PARD3: variants seen among roughly 807,000 people sequenced by gnomAD.
PARD3 encodes par-3 family cell polarity regulator.
Under a neutral mutation model 155.4 loss-of-function variants are expected in PARD3, and 75 were observed. That is an observed-to-expected ratio of 0.48 (90% CI 0.40 to 0.58). The LOEUF is 0.58. PARD3 is among the 20% of genes least tolerant of loss of function. The pLI is 0.00. For synonymous variants in PARD3, 576 were observed against 610.5 expected, an observed-to-expected ratio of 0.94 and a Z score of 0.83; for missense variants, 1,642 against 1,721.7, an observed-to-expected ratio of 0.95 and a Z score of 0.82.
chr10:34,645,991 G>A (rs117618774), intron 2 of PARD3, among the ~76,000 whole-genome samples: 1,979 of 152,250 alleles, frequency 0.013, 18 homozygotes, highest in Non-Finnish European at 0.022. Context: ...ACACAGAACC[G>A]GGATAAGAGT....
In PARD3 at chr10:34,219,380, T is replaced by C. The variant is rs147823678; in HGVS notation, c.3419+50277A>G. ...AAATGGTTCCATTTATTATGGTACA[T>C]ATTTTTTAATTAAAGATGAGGAAGA... is the stretch of plus-strand genomic sequence containing the variant. On this transcript the variant is annotated intron_variant, in intron 22 of 24. Transcript: ENST00000374788. Among the ~76,000 whole-genome samples, 57 of 152,330 alleles carry C rather than the reference T, an allele frequency of 3.7e-4. 1 individual carries two copies. The East Asian group carries it at 0.011, about 29-fold the overall frequency.
intron 22 of PARD3, among the ~76,000 whole-genome samples, chr10:34,213,123 C>T (rs1012700078): frequency 3.9e-5 from 6 of 152,080 alleles, no homozygotes; most frequent in Admixed American, 1.3e-4. Flanking sequence ...TTTACTTGGC[C>T]CACAATTCTG....
At chr10:34,695,494 A>AG (rs1421628337) in intron 2 of PARD3, among the ~76,000 whole-genome samples, 2 of 151,430 alleles carry the variant, frequency 1.3e-5, no homozygotes, top group African/African-American at 2.4e-5. Context: ...AAAAAAAAAA[A>AG]AGAATTTGCT....
At chr10:34,724,195 A>G (rs1381171509) in intron 1 of PARD3, among the ~76,000 whole-genome samples, 1 of 152,158 alleles carries the variant, frequency 6.6e-6, no homozygotes, top group East Asian at 1.9e-4. Flanking sequence ...AATGCATCCC[A>G]TATTGTTTAA....
chr10:34,258,317 G>C (rs1954764692), intron 22 of PARD3, among the ~76,000 whole-genome samples: 1 of 152,146 alleles, frequency 6.6e-6, no homozygotes, highest in African/African-American at 2.4e-5. Flanking sequence ...AGTATCCATG[G>C]GCCGCACGAC....
chr10:34,718,916 T>G (rs1277448060), intron 1 of PARD3, among the ~76,000 whole-genome samples: 1 of 151,904 alleles, frequency 6.6e-6, no homozygotes, highest in Admixed American at 6.6e-5. Flanking sequence ...TGAGCCGAGA[T>G]TGAGCCACTG....
At chr10:34,216,508 C>T (rs1952009089) in intron 22 of PARD3, among the ~76,000 whole-genome samples, 1 of 152,168 alleles carries the variant, frequency 6.6e-6, no homozygotes, top group African/African-American at 2.4e-5. Flanking sequence ...TTATTGTATA[C>T]AGCAATCTGA....
At chr10:34,478,304 G>C (rs535897418) in intron 3 of PARD3, among the ~76,000 whole-genome samples, 2 of 152,270 alleles carry the variant, frequency 1.3e-5, no homozygotes, top group South Asian at 4.1e-4. Context: ...ACTCCAAGAA[G>C]ACCCAGCTGC....
intron 1 of PARD3, among the ~76,000 whole-genome samples, chr10:34,797,506 T>C (rs1463763097): frequency 6.6e-6 from 1 of 152,206 alleles, no homozygotes; most frequent in Non-Finnish European, 1.5e-5. Flanking sequence ...TGTGAAAGTG[T>C]GCCAACAGTC....
intron 22 of PARD3, among the ~76,000 whole-genome samples, chr10:34,138,007 A>C (rs2132837590): frequency 6.6e-6 from 1 of 152,282 alleles, no homozygotes; most frequent in South Asian, 2.1e-4. Flanking sequence ...CAAGGAAATA[A>C]AGTATGGATG....
chr10:34,696,639 G>C (rs1443263325), intron 1 of PARD3, among the ~76,000 whole-genome samples: 1 of 151,292 alleles, frequency 6.6e-6, no homozygotes, highest in Admixed American at 6.6e-5. Context: ...CTTTGGCTCT[G>C]ATGCTGATAC....
chr10:34,493,504 G>A (rs2080055554), intron 3 of PARD3, among the ~76,000 whole-genome samples: 1 of 152,142 alleles, frequency 6.6e-6, no homozygotes, highest in Admixed American at 6.5e-5. Flanking sequence ...GGCCACGGCA[G>A]GCGGATCACC....
At chr10:34,516,918 C>A in intron 3 of PARD3, 61 bp downstream of exon 3, 4 of 1,497,108 alleles carry the variant, frequency 2.7e-6, no homozygotes, top group Non-Finnish European at 3.7e-6. Flanking sequence ...GGATGAATAA[C>A]AAAAGTTGGT....
intron 23 of PARD3, among the ~76,000 whole-genome samples, chr10:34,122,665 G>C (rs750655590): frequency 2.5e-4 from 38 of 152,148 alleles, no homozygotes; most frequent in Non-Finnish European, 5.0e-4. Flanking sequence ...CCCTCTAACA[G>C]GTCACATATT....
intron 5 of PARD3, among the ~76,000 whole-genome samples, chr10:34,435,680 A>G (rs556030931): frequency 6.6e-6 from 1 of 152,344 alleles, no homozygotes; most frequent in South Asian, 2.1e-4. Flanking sequence ...CATTCACAAA[A>G]GTTTAAATAT....
chr10:34,272,189 T>C (rs1450587895), intron 21 of PARD3, among the ~76,000 whole-genome samples: 3 of 152,268 alleles, frequency 2.0e-5, no homozygotes, highest in African/African-American at 7.2e-5. Context: ...TAAATGTAAA[T>C]GTAAAAGTAT....
intron 2 of PARD3, among the ~76,000 whole-genome samples, chr10:34,579,515 A>G (rs1421679629): frequency 6.6e-6 from 1 of 151,824 alleles, no homozygotes; most frequent in African/African-American, 2.4e-5. Flanking sequence ...GTTCACTGTC[A>G]GACAACGTGA....
chr10:34,512,324 C>T (rs548412317), intron 3 of PARD3, among the ~76,000 whole-genome samples: 3 of 152,198 alleles, frequency 2.0e-5, no homozygotes. Context: ...TCCTTGCTTG[C>T]TGGCTTCTTT....
At chr10:34,540,632 T>C (rs1044784848) in intron 2 of PARD3, among the ~76,000 whole-genome samples, 15 of 151,946 alleles carry the variant, frequency 9.9e-5, no homozygotes, top group African/African-American at 3.6e-4. Flanking sequence ...ATAGAAATAT[T>C]AGCCAGGCGT....
Sources: allele counts gnomAD v4.1 joint callset (sites outside exome capture counted in the v4.1 genomes callset), GRCh38; gene constraint gnomAD v4.1.1; transcripts MANE v1.5; gene names NCBI Gene and HGNC (gene_info 2026-07-23, HGNC 2026-07-21).